The following HCN1 variants were observed in gnomAD, a reference collection of about 807,000 sequenced individuals.
HCN1 encodes the protein potassium/sodium hyperpolarization-activated cyclic nucleotide-gated channel 1.
Under a neutral mutation model 78.9 loss-of-function variants are expected in HCN1, and 13 were observed. That is an observed-to-expected ratio of 0.16 (90% CI 0.11 to 0.26). HCN1 has a LOEUF of 0.26. Ranked by LOEUF, HCN1 falls within the 10% of genes least tolerant of loss-of-function variation. The pLI, the probability that HCN1 is intolerant of heterozygous loss-of-function variation, is 1.00. For missense variants in HCN1, 810 were observed against 1,154.3 expected, an observed-to-expected ratio of 0.70 and a Z score of 4.32; for synonymous variants, 552 against 455.5, an observed-to-expected ratio of 1.21 and a Z score of -2.70.
At chr5:45,631,072 C>A (rs1421976643) in intron 2 of HCN1, among the ~76,000 whole-genome samples, 4 of 152,094 alleles carry the variant, frequency 2.6e-5, no homozygotes, top group Non-Finnish European at 5.9e-5. Context: ...GAGAGAAAAA[C>A]AAAGAGATCA....
intron 5 of HCN1, among the ~76,000 whole-genome samples, chr5:45,333,680 G>T (rs1298036662): frequency 1.3e-5 from 2 of 151,736 alleles, no homozygotes; most frequent in African/African-American, 4.8e-5. Flanking sequence ...AGAGATAGGG[G>T]TCTAGTTTCA....
At chr5:45,588,986 T>C (rs1437340106) in intron 2 of HCN1, among the ~76,000 whole-genome samples, 1 of 152,180 alleles carries the variant, frequency 6.6e-6, no homozygotes, top group Non-Finnish European at 1.5e-5. Flanking sequence ...TTTATTTTAT[T>C]TTAAGGTAGA....
rs376306955 is a variant in HCN1, at chr5:45,437,131, G to T, written c.1011+24715C>A. Among the ~76,000 whole-genome samples, 12 of 152,222 alleles carry T rather than the reference G, an allele frequency of 7.9e-5. No individual in the cohort carries two copies. In the East Asian group the frequency reaches 2.3e-3, roughly 29 times the overall value. ...TTTATTGTTCAGTTAGCTAGCAGTT[G>T]GGAATTACATCAGCAAACATATGCT... On this transcript the variant is annotated intron_variant, in intron 3 of 7. Coordinates refer to ENST00000303230, the MANE Select transcript of HCN1 (RefSeq NM_021072.4).
intron 5 of HCN1, among the ~76,000 whole-genome samples, chr5:45,312,233 G>C (rs1463923357): frequency 2.0e-5 from 3 of 152,144 alleles, no homozygotes; most frequent in Non-Finnish European, 1.5e-5. Context: ...CCTGCTAAAG[G>C]GTAGTGCTAA....
chr5:45,326,168 C>T (rs1746229970), intron 5 of HCN1, among the ~76,000 whole-genome samples: 1 of 151,562 alleles, frequency 6.6e-6, no homozygotes, highest in South Asian at 2.1e-4. Flanking sequence ...TATCACATTG[C>T]ATGCCTGTAC....
intron 2 of HCN1, among the ~76,000 whole-genome samples, chr5:45,631,584 A>G (rs1745270788): frequency 6.6e-6 from 1 of 152,256 alleles, no homozygotes; most frequent in Non-Finnish European, 1.5e-5. Context: ...AATTGTCTTC[A>G]GGAAACTATT....
rs1744693957 is a variant in HCN1 at position 45,259,842 on chromosome 5, CTCA to C, written c.*2076_*2078del. ...TAATCTTAATAAATTGAAGTTAATT[CTCA>C]TATTTTAATAAAATAAAGGAGTTTT... On this transcript the variant is annotated 3_prime_UTR_variant, in exon 8 of 8. Transcript: ENST00000303230. 6.6e-6 allele frequency: 1 copy of C among 152,446 alleles called. No individual in the cohort carries two copies. Among genetic ancestry groups the C allele is most frequent in the Non-Finnish European group, 1.5e-5 (1 of 67,984 alleles). 9.4% of individuals were successfully genotyped at this position (152,446 alleles called of 1,614,324 possible).
chr5:45,346,102 C>A (rs1216614298), intron 5 of HCN1, among the ~76,000 whole-genome samples: 4 of 152,258 alleles, frequency 2.6e-5, no homozygotes, highest in South Asian at 2.1e-4. Flanking sequence ...CTTTTAAAAT[C>A]ATCAGATCTC....
At chr5:45,352,213 A>G (rs1487096086) in intron 5 of HCN1, among the ~76,000 whole-genome samples, 1 of 152,204 alleles carries the variant, frequency 6.6e-6, no homozygotes. Context: ...TGATGAGTTC[A>G]TGTCCTTTGT....
chr5:45,496,575 T>C (rs1040165504), intron 2 of HCN1, among the ~76,000 whole-genome samples: 7 of 152,214 alleles, frequency 4.6e-5, no homozygotes, highest in Admixed American at 3.9e-4. Context: ...TTTTATTGCG[T>C]CTATTTGATA....
At chr5:45,372,293 A>C (rs1162011446) in intron 4 of HCN1, among the ~76,000 whole-genome samples, 4 of 93,002 alleles carry the variant, frequency 4.3e-5, no homozygotes, top group African/African-American at 1.8e-4. Context: ...TATATATTTC[A>C]TATATAATAT....
intron 5 of HCN1, among the ~76,000 whole-genome samples, chr5:45,340,297 C>T (rs932887554): frequency 4.6e-5 from 7 of 152,168 alleles, no homozygotes; most frequent in African/African-American, 1.7e-4. Flanking sequence ...TGAGAATTTT[C>T]TGCCTAGAAG....
chr5:45,484,140 T>G (rs1237504675), intron 2 of HCN1, among the ~76,000 whole-genome samples: 1 of 152,088 alleles, frequency 6.6e-6, no homozygotes, highest in Admixed American at 6.6e-5. Context: ...AAATAAAGAC[T>G]CTAAAAACTT....
At chr5:45,600,482 A>G (rs537553353) in intron 2 of HCN1, among the ~76,000 whole-genome samples, 1 of 152,240 alleles carries the variant, frequency 6.6e-6, no homozygotes, top group African/African-American at 2.4e-5. Context: ...GAACTTCAGA[A>G]CCTGTGAAAA....
At chr5:45,533,392 C>A (rs1213467858) in intron 2 of HCN1, among the ~76,000 whole-genome samples, 1 of 152,118 alleles carries the variant, frequency 6.6e-6, no homozygotes, top group African/African-American at 2.4e-5. Context: ...CAGGGAGCTG[C>A]CTAATAAGGC....
At chr5:45,503,008 G>T (rs916202146) in intron 2 of HCN1, among the ~76,000 whole-genome samples, 6 of 152,132 alleles carry the variant, frequency 3.9e-5, no homozygotes, top group African/African-American at 1.4e-4. Context: ...AATAGTTAAA[G>T]TGAATAAACA....
intron 2 of HCN1, among the ~76,000 whole-genome samples, chr5:45,579,971 T>C (rs1744025667): frequency 6.6e-6 from 1 of 152,102 alleles, no homozygotes; most frequent in Non-Finnish European, 1.5e-5. Context: ...GCCATTTAGA[T>C]GCAATATCCT....
chr5:45,512,724 A>C (rs1353658245), intron 2 of HCN1, among the ~76,000 whole-genome samples: 2 of 152,114 alleles, frequency 1.3e-5, no homozygotes, highest in African/African-American at 4.8e-5. Flanking sequence ...ATTCTACATG[A>C]GCACACTCTG....
chr5:45,379,967 T>A (rs962524046), intron 4 of HCN1, among the ~76,000 whole-genome samples: 2 of 152,016 alleles, frequency 1.3e-5, no homozygotes, highest in African/African-American at 4.8e-5. Context: ...GGTACAGATA[T>A]GTAAATATAT....
Sources: allele counts gnomAD v4.1 joint callset (sites outside exome capture counted in the v4.1 genomes callset), GRCh38; gene constraint gnomAD v4.1.1; transcripts MANE v1.5; gene names NCBI Gene and HGNC (gene_info 2026-07-23, HGNC 2026-07-21).